The following LAMA4 variants were observed in gnomAD, a reference collection of about 807,000 sequenced individuals.
The protein encoded by LAMA4 is laminin subunit alpha-4.
LAMA4 carries 127 observed loss-of-function variants against 207.1 expected under a neutral mutation model. That is an observed-to-expected ratio of 0.61 (90% CI 0.53 to 0.71). The LOEUF (loss-of-function observed/expected upper bound fraction) is 0.71. LAMA4 is among the 30% of genes least tolerant of loss of function. The pLI is 0.00. For missense variants in LAMA4, 2,093 were observed against 2,246.5 expected (o/e 0.93, Z 1.38); for synonymous variants, 761 against 816.0 (o/e 0.93, Z 1.15).
At chr6:112,238,198 A>G (rs1275709427) in intron 2 of LAMA4, among the ~76,000 whole-genome samples, 2 of 152,212 alleles carry the variant, frequency 1.3e-5, no homozygotes, top group Non-Finnish European at 2.9e-5. Context: ...TTTTTGTAAC[A>G]TAAGAAATTA....
At chr6:112,155,013 G>T in intron 15 of LAMA4, 66 bp from the exon 16 acceptor site, 1 of 1,012,934 alleles carries the variant, frequency 9.9e-7, no homozygotes, top group Non-Finnish European at 1.6e-6. Context: ...CATAGTTGAA[G>T]GATTTAAATG....
chr6:112,125,284 C>T (rs183131598), intron 31 of LAMA4, among the ~76,000 whole-genome samples: 67 of 152,198 alleles, frequency 4.4e-4, no homozygotes, highest in African/African-American at 1.6e-3. Context: ...TACATGTTTT[C>T]TGTTCAATGG....
Position 112,122,197 on chromosome 6 carries a change from C to T in LAMA4, c.4292G>A (p.Gly1431Glu), listed in dbSNP as rs781917247. ...KPKASQNKKG[G>E]KSKDAPSWDP... ...CCATGAAGGTGCATCTTTACTTTTC[C>T]CTCCCTATAAAAGTAAACCAAATTA... The change falls in exon 32 of 39, where the codon GGG becomes GAG. Residue 1431 changes from glycine to glutamate, a missense_variant. This residue lies in a region of LAMA4 where 1,704 missense variants were observed against 1,788.4 expected (regional missense o/e 0.95). Transcript: ENST00000230538. 8 of 1,613,142 alleles carry T rather than the reference C, an allele frequency of 5.0e-6. No individual in the cohort carries two copies. In the Admixed American group the frequency reaches 1.3e-4, roughly 27 times the overall value.
chr6:112,218,941 G>T (rs1205805895), intron 2 of LAMA4: 2 of 152,240 alleles, frequency 1.3e-5, no homozygotes, highest in African/African-American at 2.4e-5. Flanking sequence ...GGCATGCCCT[G>T]CTAGAGCACA....
chr6:112,173,050 T>C (rs1353212998), intron 11 of LAMA4, among the ~76,000 whole-genome samples: 1 of 152,232 alleles, frequency 6.6e-6, no homozygotes, highest in Non-Finnish European at 1.5e-5. Context: ...CCACAGAGGT[T>C]GTGCTTTTTG....
At chr6:112,109,992 T>C (rs1777604885) in intron 38 of LAMA4, among the ~76,000 whole-genome samples, 1 of 152,250 alleles carries the variant, frequency 6.6e-6, no homozygotes, top group Non-Finnish European at 1.5e-5. Flanking sequence ...TTGGACTTGG[T>C]TAATATTTCT....
Position 112,207,156 on chromosome 6 carries a change from A to G in LAMA4, c.298-11T>C, listed in dbSNP as rs1386590968. The G allele has an allele frequency of 6.2e-7, 1 of 1,613,632 alleles. No individual in the cohort carries two copies. Among genetic ancestry groups the G allele is most frequent in the African/African-American group, 1.3e-5 (1 of 74,894 alleles). ...GTTCCGCTGGCAGTGCTATGAGACA[A>G]AAGACAAGAAGATTGACAAGGATGC... On this transcript the variant is annotated splice_polypyrimidine_tract_variant and intron_variant, in intron 3 of 38. Coordinates refer to ENST00000230538, the MANE Select transcript of LAMA4 (RefSeq NM_001105206.3).
chr6:112,185,320 A>T lies in LAMA4; in HGVS notation c.994T>A (p.Tyr332Asn). 1 of 1,612,540 alleles carries T rather than the reference A, an allele frequency of 6.2e-7. No individual in the cohort carries two copies. Among genetic ancestry groups the T allele is most frequent in the Non-Finnish European group, 8.5e-7 (1 of 1,178,586 alleles). Residue 332 changes from tyrosine (Y) to asparagine (N), a missense_variant, in exon 9 of 39, where the codon TAC becomes AAC. Around this residue, in one of 3 missense-constraint regions of LAMA4, gnomAD observed 1,704 missense variants for 1,788.4 expected, o/e 0.95. Coordinates refer to ENST00000230538, the MANE Select transcript of LAMA4 (RefSeq NM_001105206.3). ...KTKLSERENQ[Y>N]ALRKIQINNA... Reference sequence around the variant, plus strand: ...TTGATTTGTATCTTTCTTAGGGCGTATTGGTTTTCTCTTTCTGACAATTTT... The same window carrying T: ...TTGATTTGTATCTTTCTTAGGGCGTTTTGGTTTTCTCTTTCTGACAATTTT...
chr6:112,254,211 C>T lies in LAMA4; in HGVS notation c.-61G>A. ...TCGGGCGCTGTGGGTCTCCGTAGGT[C>T]TCCCGCGTGGTGCGGCGGTGCCTCG... On this transcript the variant is annotated 5_prime_UTR_variant, in exon 2 of 39. Coordinates refer to ENST00000230538, the MANE Select transcript of LAMA4 (RefSeq NM_001105206.3). The T allele has an allele frequency of 4.4e-6, 7 of 1,606,700 alleles. No individual in the cohort carries two copies. Among genetic ancestry groups the T allele is most frequent in the Non-Finnish European group, 5.9e-6 (7 of 1,177,548 alleles).
intron 12 of LAMA4, 100 bp downstream of exon 12, chr6:112,172,511 C>G: frequency 9.6e-7 from 1 of 1,046,042 alleles, no homozygotes; most frequent in Non-Finnish European, 1.5e-6. Flanking sequence ...AAGTATTTAA[C>G]TATACCAATA....
rs186397961 is a variant in LAMA4 at position 112,161,546 on chromosome 6, T to C, written c.1669-2666A>G. 3.8e-3 allele frequency among the ~76,000 whole-genome samples: 586 copies of C among 152,350 alleles called. 3 individuals are homozygous for C. Among genetic ancestry groups the C allele is most frequent in the South Asian group, 0.014 (68 of 4,830 alleles). ...ACAAATATTCCCTGTGTGCTCATTA[T>C]GGACCAGGAACTCTTCTGGGGGTAG... On this transcript the variant is annotated intron_variant, in intron 13 of 38. Coordinates refer to ENST00000230538, the MANE Select transcript of LAMA4 (RefSeq NM_001105206.3).
chr6:112,141,024 T>G, intron 21 of LAMA4, 102 bp from the exon 22 acceptor site: 1 of 998,766 alleles, frequency 1.0e-6, no homozygotes, highest in Non-Finnish European at 1.6e-6. Context: ...TGGGTAATTT[T>G]GTGACACTAA....
intron 19 of LAMA4, among the ~76,000 whole-genome samples, chr6:112,143,394 C>T (rs979065580): frequency 3.3e-5 from 5 of 151,296 alleles, no homozygotes; most frequent in African/African-American, 1.2e-4. Context: ...AAACAATGCT[C>T]GTGCCTCAGC....
intron 2 of LAMA4, among the ~76,000 whole-genome samples, chr6:112,231,160 AAGAGTCTC>A (rs1361916488): frequency 1.3e-5 from 2 of 152,198 alleles, no homozygotes; most frequent in African/African-American, 4.8e-5. Context: ...CAAATTTATC[AAGAGTCTC>A]ATAGAAGATA....
chr6:112,178,186 A>G lies in LAMA4; in HGVS notation c.1124T>C (p.Met375Thr). 17 of 1,614,010 alleles carry G rather than the reference A, an allele frequency of 1.1e-5. No individual in the cohort carries two copies. Among genetic ancestry groups the G allele is most frequent in the Non-Finnish European group, 1.4e-5 (16 of 1,179,880 alleles). ...CTGACTTGCGTGGTTAATGGTGTCC[A>G]TGCTTTCCTTCTGAACAAGTTGTCC... ...RKGQLVQKESMDTINHASQLV... is the reference protein window; with the variant it reads ...RKGQLVQKESTDTINHASQLV... The change falls in exon 10 of 39, where the codon ATG (methionine) becomes ACG (threonine). Residue 375 changes from methionine to threonine, a missense_variant. By Grantham distance (81) the Met-to-Thr change is moderately conservative (BLOSUM62 -1). Transcript: ENST00000230538.
intron 33 of LAMA4, 56 bp from the exon 34 acceptor site, chr6:112,119,367 A>T (rs1305313933): frequency 3.2e-6 from 5 of 1,583,898 alleles, no homozygotes; most frequent in Non-Finnish European, 4.3e-6. Context: ...ATTGCAGAAA[A>T]GGCTGTGTTT....
At chr6:112,239,188 G>T (rs1786174419) in intron 2 of LAMA4, among the ~76,000 whole-genome samples, 1 of 151,824 alleles carries the variant, frequency 6.6e-6, no homozygotes, top group South Asian at 2.1e-4. Context: ...GGGTGTGGTG[G>T]CAGGCACCTG....
intron 10 of LAMA4, among the ~76,000 whole-genome samples, chr6:112,177,278 T>C (rs1782078737): frequency 6.6e-6 from 1 of 152,220 alleles, no homozygotes; most frequent in Non-Finnish European, 1.5e-5. Context: ...TCCCTTTGCA[T>C]GCAATATGCC....
chr6:112,220,505 G>A (rs1554360271), intron 2 of LAMA4, among the ~76,000 whole-genome samples: 1 of 152,098 alleles, frequency 6.6e-6, no homozygotes, highest in African/African-American at 2.4e-5. Context: ...TACATTTAAA[G>A]GAACTGGGAT....
Sources: gnomAD v4.1 joint callset for allele counts (sites outside exome capture counted in the v4.1 genomes callset) on GRCh38, gnomAD v4.1.1 for gene constraint, gnomAD v4.1.1 regional missense constraint, MANE v1.5 for transcripts, NCBI Gene and HGNC (gene_info 2026-07-23, HGNC 2026-07-21) for gene names.